The following CLSTN1 variants were observed in gnomAD, a reference collection of about 807,000 sequenced individuals.
CLSTN1 encodes the protein calsyntenin-1.
CLSTN1 carries 28 observed loss-of-function variants against 108.3 expected under a neutral mutation model. The observed-to-expected ratio is 0.26, with a 90% confidence interval of 0.19 to 0.35. The LOEUF is 0.35. Ranked by LOEUF, CLSTN1 falls within the 10% of genes least tolerant of loss-of-function variation. The pLI is 1.00. For synonymous variants in CLSTN1, 524 were observed against 534.9 expected, an observed-to-expected ratio of 0.98 and a Z score of 0.28; for missense variants, 1,157 against 1,302.6, an observed-to-expected ratio of 0.89 and a Z score of 1.72.
chr1:9,822,880 T>G (rs74387437), intron 1 of CLSTN1, among the ~76,000 whole-genome samples: 2,387 of 152,268 alleles, frequency 0.016, 32 homozygotes, highest in Middle Eastern at 0.034. Context: ...CTCCACGGTC[T>G]AAATGACCGT....
intron 1 of CLSTN1, chr1:9,780,853 C>T (rs984899652): frequency 2.3e-5 from 6 of 256,326 alleles, no homozygotes; most frequent in East Asian, 1.9e-4. Context: ...TCAGCCATGG[C>T]GAGTAGCCGT....
At chr1:9,762,744 C>T (rs1443413399) in intron 2 of CLSTN1, among the ~76,000 whole-genome samples, 2 of 151,034 alleles carry the variant, frequency 1.3e-5, no homozygotes, top group East Asian at 2.0e-4. Flanking sequence ...GCTGGGTGTC[C>T]GGGCTGTCCC....
At position 9,744,544 on chromosome 1, in the gene CLSTN1, A is replaced by T. The variant is rs1331786218; in HGVS notation, c.1085T>A (p.Val362Glu). 1.2e-6 allele frequency: 2 copies of T among 1,612,676 alleles called. No individual in the cohort carries two copies. Among genetic ancestry groups the T allele is most frequent in the Non-Finnish European group, 1.7e-6 (2 of 1,179,762 alleles). The change falls in exon 8 of 19, where the codon GTG becomes GAG. Residue 362 changes from valine to glutamate, a missense_variant. Val to Glu is a moderately radical substitution (Grantham distance 121). Coordinates refer to ENST00000377298, the MANE Select transcript of CLSTN1 (RefSeq NM_001009566.3). ...TGCCTGGGTGCCGTTGAACTCAAAC[A>T]CCTGGTCGCTGTCGTGGCCATTGTC... ...PTDNGHDSDQ[V>E]FEFNGTQAVR...
chr1:9,756,532 C>T, intron 2 of CLSTN1, 22 bp from the exon 3 acceptor site: 2 of 1,607,680 alleles, frequency 1.2e-6, no homozygotes, highest in South Asian at 1.1e-5. Flanking sequence ...AAAGATAAGC[C>T]CATGTCAGTA....
At position 9,774,743 on chromosome 1, in the gene CLSTN1, CAG is replaced by C. The variant is rs368166880; in HGVS notation, c.92-1351_92-1350del. ...GCAGTAAGAATTCGGGGCAAGTCCA[CAG>C]AGTCAAGTGAAAGCAACTTTATTAA... On this transcript the variant is annotated intron_variant, in intron 1 of 18. Coordinates refer to ENST00000377298, the MANE Select transcript of CLSTN1 (RefSeq NM_001009566.3). 3.4e-4 allele frequency among the ~76,000 whole-genome samples: 51 copies of C among 151,892 alleles called. 1 individual carries two copies. In the East Asian group the frequency reaches 5.8e-3, roughly 17 times the overall value.
At chr1:9,810,815 A>T (rs951753407) in intron 1 of CLSTN1, among the ~76,000 whole-genome samples, 1 of 151,986 alleles carries the variant, frequency 6.6e-6, no homozygotes, top group Non-Finnish European at 1.5e-5. Context: ...TAAATAAATA[A>T]AAATAAAATC....
chr1:9,755,877 A>G (rs528586597), intron 3 of CLSTN1, among the ~76,000 whole-genome samples: 2 of 152,296 alleles, frequency 1.3e-5, no homozygotes, highest in African/African-American at 4.8e-5. Context: ...AAACTACTCA[A>G]TGAGAAAGGT....
At chr1:9,758,632 C>T (rs1349009684) in intron 2 of CLSTN1, among the ~76,000 whole-genome samples, 1 of 152,144 alleles carries the variant, frequency 6.6e-6, no homozygotes, top group Non-Finnish European at 1.5e-5. Context: ...CTTTTTCATG[C>T]AACTTTGTGT....
rs1267647793 is a variant in CLSTN1 at position 9,730,419 on chromosome 1, G to T, written c.*89C>A. 3.1e-6 allele frequency: 4 copies of T among 1,288,120 alleles called. No individual in the cohort carries two copies. Among genetic ancestry groups the T allele is most frequent in the East Asian group, 2.3e-5 (1 of 43,288 alleles). 79.8% of individuals were successfully genotyped at this position (1,288,120 alleles called of 1,614,324 possible). ...GGTCTGCACACCTACTGGCCGAAAT[G>T]ACTTTGTACATCGTGGACCCTTGGG... is the stretch of plus-strand genomic sequence containing the variant. On this transcript the variant is annotated 3_prime_UTR_variant, in exon 19 of 19. Transcript: ENST00000377298. This position sits in a 1 kb window ranked among gnomAD's most constrained non-coding sequence, Gnocchi z 5.6.
chr1:9,751,397 A>T, intron 5 of CLSTN1, 76 bp downstream of exon 5: 1 of 1,408,142 alleles, frequency 7.1e-7, no homozygotes, highest in African/African-American at 1.4e-5. Flanking sequence ...GACGAAGCAC[A>T]GAAGCTGGGG....
At chr1:9,804,575 T>A (rs1570514686) in intron 1 of CLSTN1, among the ~76,000 whole-genome samples, 1 of 152,020 alleles carries the variant, frequency 6.6e-6, no homozygotes, top group Admixed American at 6.6e-5. Flanking sequence ...GCAGGAGCTG[T>A]GGCTCACACC....
At chr1:9,740,705 G>A (rs1650936286) in intron 10 of CLSTN1, among the ~76,000 whole-genome samples, 1 of 152,180 alleles carries the variant, frequency 6.6e-6, no homozygotes, top group African/African-American at 2.4e-5. Context: ...CAGGTCCAAG[G>A]CGCACTTCTA....
intron 2 of CLSTN1, among the ~76,000 whole-genome samples, chr1:9,772,077 C>T (rs1652713251): frequency 1.4e-5 from 2 of 146,264 alleles, no homozygotes; most frequent in African/African-American, 2.5e-5. Flanking sequence ...CCTGGGTTCA[C>T]GCCATTCTCC....
intron 1 of CLSTN1, 98 bp from the exon 2 acceptor site, chr1:9,773,492 A>G: frequency 1.0e-5 from 13 of 1,297,684 alleles, no homozygotes; most frequent in Non-Finnish European, 1.4e-5. Flanking sequence ...AAATAATAAA[A>G]CTCTCATTAG....
At chr1:9,765,754 G>A (rs1271274608) in intron 2 of CLSTN1, among the ~76,000 whole-genome samples, 3 of 151,616 alleles carry the variant, frequency 2.0e-5, no homozygotes, top group African/African-American at 7.3e-5. Flanking sequence ...GTGGCGGCGG[G>A]CGCCTGTAAT....
intron 1 of CLSTN1, among the ~76,000 whole-genome samples, chr1:9,786,648 CAAA>C (rs36003203): frequency 3.1e-3 from 114 of 37,072 alleles, no homozygotes; most frequent in African/African-American, 8.0e-3. Flanking sequence ...GACTCCGTCT[CAAA>C]AAAAAAAAAA....
intron 1 of CLSTN1, among the ~76,000 whole-genome samples, chr1:9,777,952 C>G (rs777099105): frequency 1.5e-4 from 23 of 152,214 alleles, no homozygotes; most frequent in Non-Finnish European, 3.1e-4. Flanking sequence ...CTCGCTCTGT[C>G]CCTCTGTTCC....
At chr1:9,798,549 G>C (rs1363031051) in intron 1 of CLSTN1, among the ~76,000 whole-genome samples, 1 of 152,190 alleles carries the variant, frequency 6.6e-6, no homozygotes, top group African/African-American at 2.4e-5. Context: ...TAAATCCATA[G>C]AGACAGAAAG....
At chr1:9,736,174 C>G in intron 11 of CLSTN1, 132 bp from the exon 12 acceptor site, 1 of 1,038,710 alleles carries the variant, frequency 9.6e-7, no homozygotes, top group Non-Finnish European at 1.4e-6. Flanking sequence ...ATACCAAGTC[C>G]TGTTAGCCTT....
Sources: allele counts gnomAD v4.1 joint callset (sites outside exome capture counted in the v4.1 genomes callset), GRCh38; gene constraint gnomAD v4.1.1; non-coding constraint Gnocchi (gnomAD v3.1); transcripts MANE v1.5; gene names NCBI Gene and HGNC (gene_info 2026-07-23, HGNC 2026-07-21).